CAB39L: variants seen among roughly 807,000 people sequenced by gnomAD.
CAB39L encodes the protein calcium binding protein 39 like, also known as calcium-binding protein 39-like.
A neutral mutation model predicts 39.1 loss-of-function variants in CAB39L; 23 were observed. That is an observed-to-expected ratio of 0.59 (90% confidence interval 0.42 to 0.83). The LOEUF is 0.83. Among genes scored for constraint, CAB39L ranks in the 40% least tolerant of loss-of-function variants. The probability of loss-of-function intolerance (pLI) is 0.00; values close to 1 mark genes in which losing one functional copy is unlikely to be tolerated. For synonymous variants in CAB39L, 126 were observed against 137.2 expected, an observed-to-expected ratio of 0.92 and a Z score of 0.57; for missense variants, 366 against 391.9, an observed-to-expected ratio of 0.93 and a Z score of 0.56.
intron 1 of CAB39L, among the ~76,000 whole-genome samples, chr13:49,435,377 C>T (rs1005591371): frequency 3.3e-5 from 5 of 152,248 alleles, no homozygotes; most frequent in African/African-American, 1.2e-4. Context: ...TGTATCCTTA[C>T]CAGCAATGTA....
intron 3 of CAB39L, among the ~76,000 whole-genome samples, chr13:49,426,131 A>G (rs1957240890): frequency 6.6e-6 from 1 of 152,086 alleles, no homozygotes; most frequent in Non-Finnish European, 1.5e-5. Context: ...GCCCTCCTCT[A>G]CCTTGAGATT....
In CAB39L at chr13:49,422,654, C is replaced by A. The variant is rs114685217; in HGVS notation, c.-32+10664G>T. ...TTTGAGGGATGAGTCTCACTATGTCCCCCAGGCTGGTCTCAAACTCCCAGG... is the reference window on the plus strand; with the variant it reads ...TTTGAGGGATGAGTCTCACTATGTCACCCAGGCTGGTCTCAAACTCCCAGG... On this transcript the variant is annotated intron_variant, in intron 3 of 10. Transcript: ENST00000409308. 9.1e-3 allele frequency among the ~76,000 whole-genome samples: 1,381 copies of A among 151,458 alleles called. 22 individuals carry two copies. The highest frequency in any genetic ancestry group is 0.031 in the African/African-American group (1,294 of 41,236).
At chr13:49,360,107 A>G (rs1238920865) in intron 5 of CAB39L, among the ~76,000 whole-genome samples, 1 of 152,206 alleles carries the variant, frequency 6.6e-6, no homozygotes, top group Non-Finnish European at 1.5e-5. Context: ...GGAAGGACAT[A>G]AAGTGAATAT....
At chr13:49,359,032 A>G (rs765560360) in intron 6 of CAB39L, among the ~76,000 whole-genome samples, 35 of 152,174 alleles carry the variant, frequency 2.3e-4, no homozygotes, top group Non-Finnish European at 4.9e-4. Flanking sequence ...GAAAACAGGA[A>G]TACAATAAAA....
chr13:49,369,863 G>A (rs1955869630), intron 5 of CAB39L, among the ~76,000 whole-genome samples: 1 of 152,150 alleles, frequency 6.6e-6, no homozygotes, highest in African/African-American at 2.4e-5. Flanking sequence ...TGGGATTACA[G>A]GCGTGAGCCA....
intron 10 of CAB39L, among the ~76,000 whole-genome samples, chr13:49,315,464 G>T (rs114673913): frequency 0.026 from 3,960 of 152,062 alleles, 159 homozygotes; most frequent in African/African-American, 0.088. Flanking sequence ...ATGGGAAATA[G>T]AAATCACAAA....
chr13:49,382,642 A>G, intron 4 of CAB39L, 158 bp downstream of exon 4: 1 of 570,320 alleles, frequency 1.8e-6, no homozygotes, highest in South Asian at 2.1e-5. Flanking sequence ...CTAAATAATA[A>G]TCAGTTGCAT....
At chr13:49,389,577 G>A (rs564428023) in intron 3 of CAB39L, among the ~76,000 whole-genome samples, 201 of 152,202 alleles carry the variant, frequency 1.3e-3, no homozygotes, top group African/African-American at 4.6e-3. Flanking sequence ...GGGGGCAGAG[G>A]TTTCAGTGAG....
chr13:49,350,237 T>C (rs1390096939), intron 7 of CAB39L, among the ~76,000 whole-genome samples: 1 of 152,232 alleles, frequency 6.6e-6, no homozygotes, highest in Non-Finnish European at 1.5e-5. Context: ...TTTCTTACTA[T>C]TTTGTTTCAC....
At chr13:49,405,781 G>A (rs1477777689) in intron 3 of CAB39L, among the ~76,000 whole-genome samples, 1 of 149,784 alleles carries the variant, frequency 6.7e-6, no homozygotes, top group East Asian at 2.0e-4. Context: ...GAGGGAGGGA[G>A]GGAGGGAGGA....
At chr13:49,425,890 A>G (rs1177298005) in intron 3 of CAB39L, among the ~76,000 whole-genome samples, 1 of 152,180 alleles carries the variant, frequency 6.6e-6, no homozygotes, top group African/African-American at 2.4e-5. Flanking sequence ...TTTCTTTTTA[A>G]TGAAAGGTAG....
In CAB39L at chr13:49,354,207, C is replaced by T. The variant is rs1049251425; in HGVS notation, c.396-3295G>A. ...AAAGAATGTTTTTAAAAAACCAAGACTCCTCTGGGTCAGCACACTTGTCAT... is the reference window on the plus strand; with the variant it reads ...AAAGAATGTTTTTAAAAAACCAAGATTCCTCTGGGTCAGCACACTTGTCAT... On this transcript the variant is annotated intron_variant, in intron 6 of 10. Transcript: ENST00000409308. Among the ~76,000 whole-genome samples, 3 of 152,184 alleles carry T rather than the reference C, an allele frequency of 2.0e-5. No homozygotes were observed. The South Asian group carries it at 6.2e-4, about 32-fold the overall frequency.
chr13:49,400,464 A>G (rs1956742524), intron 3 of CAB39L, among the ~76,000 whole-genome samples: 1 of 145,804 alleles, frequency 6.9e-6, no homozygotes, highest in African/African-American at 2.5e-5. Context: ...ACACACACAC[A>G]CACACACACA....
At chr13:49,406,730 A>G (rs1956889174) in intron 3 of CAB39L, among the ~76,000 whole-genome samples, 1 of 152,190 alleles carries the variant, frequency 6.6e-6, no homozygotes, top group Non-Finnish European at 1.5e-5. Flanking sequence ...TCATTACAGA[A>G]TTTTAACTCT....
intron 5 of CAB39L, among the ~76,000 whole-genome samples, chr13:49,364,829 A>G (rs1284339631): frequency 6.6e-6 from 1 of 152,216 alleles, no homozygotes; most frequent in African/African-American, 2.4e-5. Context: ...TTCCGTGTCC[A>G]TGGATTGAAA....
chr13:49,365,284 T>C (rs1014729179), intron 5 of CAB39L, among the ~76,000 whole-genome samples: 1 of 152,172 alleles, frequency 6.6e-6, no homozygotes, highest in Non-Finnish European at 1.5e-5. Flanking sequence ...TCTTGTCACA[T>C]ACAGAAATCA....
At chr13:49,443,341 A>AT (rs1315664456) in intron 1 of CAB39L, among the ~76,000 whole-genome samples, 1 of 150,768 alleles carries the variant, frequency 6.6e-6, no homozygotes, top group Non-Finnish European at 1.5e-5. Context: ...AAAATAAAGA[A>AT]AAAAAAAAGA....
intron 3 of CAB39L, among the ~76,000 whole-genome samples, chr13:49,414,362 C>T (rs1419979245): frequency 6.6e-6 from 1 of 152,040 alleles, no homozygotes; most frequent in East Asian, 1.9e-4. Context: ...TTCTAGAAAA[C>T]AATTTACCAG....
chr13:49,363,644 C>T (rs1057210382), intron 5 of CAB39L, among the ~76,000 whole-genome samples: 16 of 151,088 alleles, frequency 1.1e-4, no homozygotes, highest in Admixed American at 5.3e-4. Context: ...GGAGTAAGCC[C>T]CCACTTGTCA....
Sources: allele counts gnomAD v4.1 joint callset (sites outside exome capture counted in the v4.1 genomes callset), GRCh38; gene constraint gnomAD v4.1.1; transcripts MANE v1.5; gene names NCBI Gene and HGNC (gene_info 2026-07-23, HGNC 2026-07-21).